The following ZNF578 variants were observed in gnomAD, a reference collection of about 807,000 sequenced individuals.
ZNF578 encodes Putative chemokine-related protein B42.
ZNF578 carries 8 observed loss-of-function variants against 8.3 expected under a neutral mutation model. That is an observed-to-expected ratio of 0.96 (90% CI 0.56 to 1.74). The LOEUF (loss-of-function observed/expected upper bound fraction) is 1.74. ZNF578 is among the 40% of genes most tolerant of loss of function. The pLI is 0.00. For missense variants in ZNF578, 726 were observed against 707.5 expected (o/e 1.03, Z -0.30); for synonymous variants, 206 against 232.2 (o/e 0.89, Z 1.03).
intron 3 of ZNF578, among the ~76,000 whole-genome samples, chr19:52,497,627 G>A (rs1156858705): frequency 1.3e-5 from 2 of 152,104 alleles, no homozygotes; most frequent in Non-Finnish European, 2.9e-5. Context: ...CTGTGAAATT[G>A]TGTTCAGTTT....
chr19:52,504,324 CA>C (rs138216801), intron 4 of ZNF578, among the ~76,000 whole-genome samples: 25,341 of 151,984 alleles, frequency 0.17, 2,601 homozygotes, highest in Non-Finnish European at 0.23. Context: ...CTCTTGAACT[CA>C]AATAATCTGC....
chr19:52,506,997 A>G (rs1430370790), intron 5 of ZNF578, among the ~76,000 whole-genome samples: 5 of 152,138 alleles, frequency 3.3e-5, no homozygotes, highest in African/African-American at 7.2e-5. Flanking sequence ...TTATGCCTCT[A>G]TTTCCAGCAC....
At chr19:52,481,464 T>C (rs1568459519) in intron 2 of ZNF578, among the ~76,000 whole-genome samples, 1 of 152,228 alleles carries the variant, frequency 6.6e-6, no homozygotes, top group Non-Finnish European at 1.5e-5. Flanking sequence ...AGTTGTGACA[T>C]GTTGACTTCT....
intron 2 of ZNF578, among the ~76,000 whole-genome samples, chr19:52,488,036 A>C (rs1599898994): frequency 6.7e-6 from 1 of 150,180 alleles, no homozygotes; most frequent in South Asian, 2.1e-4. Context: ...CTCACCACAA[A>C]CTCCGCTTGT....
chr19:52,458,689 T>C (rs2059247221), intron 2 of ZNF578: 1 of 151,924 alleles, frequency 6.6e-6, no homozygotes, highest in African/African-American at 2.4e-5. Flanking sequence ...TTTCAGGTTA[T>C]ACATTTTTTA....
rs753437091 is a variant in ZNF578 at position 52,511,899 on chromosome 19, T to C, written c.1518T>C (p.Ser506=). 1 of 1,613,684 alleles carries C rather than the reference T, an allele frequency of 6.2e-7. No homozygotes were observed. The highest frequency in any genetic ancestry group is 1.1e-5 in the South Asian group (1 of 91,048). Residue 506 remains serine, a synonymous_variant, in exon 6 of 6, where the codon AGT becomes AGC. Coordinates refer to ENST00000421239, the MANE Select transcript of ZNF578 (RefSeq NM_001099694.2). The stretch of plus-strand genomic sequence containing the variant: ...TTCCATGCCATCGTAGACTTCATAG[T>C]GGTGAGAAACCTTACAAGTGTAATG... ...SSLPCHRRLH[S]GEKPYKCNEC... is the part of the protein sequence containing the mutation.
At chr19:52,492,878 G>C (rs956686314) in intron 3 of ZNF578, 4 of 152,358 alleles carry the variant, frequency 2.6e-5, no homozygotes, top group African/African-American at 9.6e-5. Flanking sequence ...GTTTCGCTCT[G>C]TGTTGTGTTA....
In ZNF578 at chr19:52,479,849, C is replaced by T. The variant is rs547938636; in HGVS notation, c.-121-11475C>T. ...TCCAGATAAAGCTCATATGCCACTT[C>T]CAATTGACTAATGAAATATAATAGA... On this transcript the variant is annotated intron_variant, in intron 2 of 5. Coordinates refer to ENST00000421239, the MANE Select transcript of ZNF578 (RefSeq NM_001099694.2). Among the ~76,000 whole-genome samples the T allele has an allele frequency of 5.3e-5, 8 of 152,262 alleles. No individual in the cohort carries two copies. The South Asian group carries it at 1.7e-3, about 32-fold the overall frequency.
At chr19:52,479,871 TAGAC>T (rs756524781) in intron 2 of ZNF578, among the ~76,000 whole-genome samples, 4 of 152,298 alleles carry the variant, frequency 2.6e-5, no homozygotes, top group Admixed American at 1.3e-4. Context: ...TGAAATATAA[TAGAC>T]AGACTGAAAA....
chr19:52,479,961 T>G (rs745435249), intron 2 of ZNF578, among the ~76,000 whole-genome samples: 21 of 152,150 alleles, frequency 1.4e-4, no homozygotes, highest in African/African-American at 1.9e-4. Flanking sequence ...CCAGGCTGGA[T>G]TGCAGTGGCA....
intron 2 of ZNF578, among the ~76,000 whole-genome samples, chr19:52,465,252 C>T (rs1465851247): frequency 6.6e-6 from 1 of 152,106 alleles, no homozygotes; most frequent in Non-Finnish European, 1.5e-5. Flanking sequence ...AGCCGAGTCT[C>T]GGTGAGCCGA....
Position 52,511,911 on chromosome 19 carries a change from T to G in ZNF578, c.1530T>G (p.Pro510=), listed in dbSNP as rs531704204. 7.4e-6 allele frequency: 12 copies of G among 1,613,782 alleles called. No homozygotes were observed. In the African/African-American group the frequency reaches 1.2e-4, roughly 16 times the overall value. ...GTAGACTTCATAGTGGTGAGAAACC[T>G]TACAAGTGTAATGAATGTGGGAAGA... ...CHRRLHSGEK[P]YKCNECGKTF... Residue 510 remains proline (P), a synonymous_variant, in exon 6 of 6, where the codon CCT becomes CCG. Transcript: ENST00000421239.
chr19:52,494,348 T>G (rs541746059), intron 3 of ZNF578, among the ~76,000 whole-genome samples: 18 of 152,010 alleles, frequency 1.2e-4, no homozygotes, highest in Non-Finnish European at 2.4e-4. Context: ...AAAAAAAAAT[T>G]TAACGGGGCA....
intron 4 of ZNF578, among the ~76,000 whole-genome samples, chr19:52,502,886 G>A (rs535720575): frequency 1.4e-4 from 22 of 152,230 alleles, no homozygotes; most frequent in African/African-American, 5.1e-4. Flanking sequence ...ATAGGCATGG[G>A]TCACCATATG....
At chr19:52,460,146 A>G (rs2059253409) in intron 2 of ZNF578, among the ~76,000 whole-genome samples, 1 of 151,670 alleles carries the variant, frequency 6.6e-6, no homozygotes, top group African/African-American at 2.4e-5. Flanking sequence ...ATAGATGTAT[A>G]AAATATCTAC....
In ZNF578 at chr19:52,501,828, A is replaced by G. The variant is rs2059408618; in HGVS notation, c.-18A>G. On this transcript the variant is annotated splice_region_variant and 5_prime_UTR_variant, in exon 4 of 6. Coordinates refer to ENST00000421239, the MANE Select transcript of ZNF578 (RefSeq NM_001099694.2). ...GTCTTATTTTTCTTCCACATACAGG[A>G]TTGATTTCTAAAGACTCATGTTACA... is the stretch of plus-strand genomic sequence containing the variant. 1 of 1,612,286 alleles carries G rather than the reference A, an allele frequency of 6.2e-7. No individual in the cohort carries two copies. Among genetic ancestry groups the G allele is most frequent in the African/African-American group, 1.3e-5 (1 of 74,692 alleles).
intron 2 of ZNF578, among the ~76,000 whole-genome samples, chr19:52,472,221 A>G (rs2059294218): frequency 6.6e-6 from 1 of 152,170 alleles, no homozygotes; most frequent in South Asian, 2.1e-4. Flanking sequence ...TGAGAACCCT[A>G]ATGGTGCATT....
intron 2 of ZNF578, among the ~76,000 whole-genome samples, chr19:52,468,569 G>A (rs1020532093): frequency 1.3e-5 from 2 of 152,144 alleles, no homozygotes; most frequent in South Asian, 4.1e-4. Context: ...GTTAATATTA[G>A]GTGTCAACTT....
intron 3 of ZNF578, among the ~76,000 whole-genome samples, chr19:52,500,408 C>CTT (rs71180471): frequency 0.014 from 1,970 of 138,838 alleles, 104 homozygotes; most frequent in Admixed American, 0.095. Context: ...TTTGAGTTTC[C>CTT]TTTTTTTTTT....
Sources: gnomAD v4.1 joint callset for allele counts (sites outside exome capture counted in the v4.1 genomes callset) on GRCh38, gnomAD v4.1.1 for gene constraint, MANE v1.5 for transcripts, NCBI Gene and HGNC (gene_info 2026-07-23, HGNC 2026-07-21) for gene names.